The following NLRP2 variants were observed in gnomAD, a reference collection of about 807,000 sequenced individuals.
NLRP2 encodes the protein NLR family pyrin domain containing 2, also known as NACHT, LRR and PYD domains-containing protein 2.
A neutral mutation model predicts 97.2 loss-of-function variants in NLRP2; 107 were observed. That is an observed-to-expected ratio of 1.10 (90% CI 0.94 to 1.29). NLRP2 has a LOEUF of 1.29. Among genes scored for constraint, NLRP2 ranks in the 50% most tolerant of loss-of-function variants. The pLI is 0.00. For synonymous variants in NLRP2, 663 were observed against 551.5 expected (o/e 1.20, Z -2.83); for missense variants, 1,495 against 1,330.3 (o/e 1.12, Z -1.93).
At chr19:54,984,329 G>GGTTTTTTTTTTTTTTTTTTTTTTTT (rs1329961462) in intron 6 of NLRP2, among the ~76,000 whole-genome samples, 13 of 79,672 alleles carry the variant, frequency 1.6e-4, no homozygotes, top group Non-Finnish European at 2.5e-4. Flanking sequence ...TTTTTTTTGT[G>GGTTTTTTTTTTTTTTTTTTTTTTTT]TTTTTTTTTT....
Position 54,994,415 on chromosome 19 carries a change from C to T in NLRP2, c.2855C>T (p.Pro952Leu). The T allele has an allele frequency of 1.9e-6, 3 of 1,613,108 alleles. No homozygotes were observed. The highest frequency in any genetic ancestry group is 2.5e-6 in the Non-Finnish European group (3 of 1,180,016). ...MKFLCEALRK[P>L]LCNLRCLWLW... is the part of the protein sequence containing the mutation. ...TTCCTGTGTGAGGCTTTGAGGAAAC[C>T]ACTGTGCAACTTGAGATGTCTGTGG... The change falls in exon 11 of 13, where the codon CCA (proline) becomes CTA (leucine). Residue 952 changes from proline to leucine, a missense_variant. Physicochemically the swap from Pro to Leu is moderately conservative, Grantham distance 98. Coordinates refer to ENST00000448584, the MANE Select transcript of NLRP2 (RefSeq NM_017852.5).
chr19:54,983,653 A>G lies in NLRP2; in HGVS notation c.1955A>G (p.Lys652Arg), dbSNP rs1185949518. 6.2e-7 allele frequency: 1 copy of G among 1,614,020 alleles called. No homozygotes were observed. The highest frequency in any genetic ancestry group is 8.5e-7 in the Non-Finnish European group (1 of 1,180,038). Residue 652 changes from lysine (K) to arginine (R), a missense_variant, in exon 6 of 13, where the codon AAA becomes AGA. Physicochemically the swap from Lys to Arg is conservative, Grantham distance 26. Coordinates refer to ENST00000448584, the MANE Select transcript of NLRP2 (RefSeq NM_017852.5). ...GTCAAGCACTGTCGAAACCTGCAGA[A>G]AATGTCACTGCAGGTAATAAAGGAG... ...FCVKHCRNLQ[K>R]MSLQVIKENL...
Position 54,982,340 on chromosome 19 carries a change from T to C in NLRP2, c.642T>C (p.Pro214=). ...CATACACGGTGGTGCTGTATGGTCC[T>C]GCAGGCCTTGGGAAAACCACGCTGG... is the stretch of plus-strand genomic sequence containing the variant. ...PFSYTVVLYG[P]AGLGKTTLAQ... is the part of the protein sequence containing the mutation. Residue 214 remains proline (P), a synonymous_variant, in exon 6 of 13, where the codon CCT becomes CCC. Transcript: ENST00000448584. The C allele has an allele frequency of 1.2e-6, 2 of 1,614,078 alleles. No homozygotes were observed. The highest frequency in any genetic ancestry group is 1.7e-6 in the Non-Finnish European group (2 of 1,180,008).
intron 5 of NLRP2, 112 bp downstream of exon 5, chr19:54,981,794 TCGAGA>T: frequency 2.5e-6 from 2 of 786,502 alleles, no homozygotes; most frequent in South Asian, 2.8e-5. Context: ...TATGTATGTA[TCGAGA>T]CGGAGTTTTG....
In NLRP2 at chr19:54,997,492, G is replaced by C. The variant is rs531383370; in HGVS notation, c.3050+5G>C. 6 of 1,614,120 alleles carry C rather than the reference G, an allele frequency of 3.7e-6. No individual in the cohort carries two copies. The highest frequency in any genetic ancestry group is 5.1e-6 in the Non-Finnish European group (6 of 1,180,004). ...TGGCACCCTCCGGACACTCAGGTAT[G>C]ATCCATTTACTTCCCCATCAGGCTT... On this transcript the variant is annotated splice_donor_5th_base_variant and intron_variant, in intron 12 of 12. Transcript: ENST00000448584.
chr19:54,982,289 C>G lies in NLRP2; in HGVS notation c.591C>G (p.Asn197Lys). The G allele has an allele frequency of 6.2e-7, 1 of 1,614,082 alleles. No homozygotes were observed. Among genetic ancestry groups the G allele is most frequent in the African/African-American group, 1.3e-5 (1 of 75,020 alleles). Residue 197 changes from asparagine (N) to lysine (K), a missense_variant, in exon 6 of 13, where the codon AAC (asparagine) becomes AAG (lysine). Asn to Lys is a moderately conservative substitution (Grantham distance 94, BLOSUM62 0). Transcript: ENST00000448584. ...ERYKMLIPFS[N>K]PRVLPGPFSY... ...ACAAGATGCTGATCCCATTCAGCAA[C>G]CCCAGGGTGCTTCCCGGGCCCTTCT...
intron 6 of NLRP2, among the ~76,000 whole-genome samples, 160 bp from the exon 7 acceptor site, chr19:54,984,887 T>G (rs1195221581): frequency 6.6e-6 from 1 of 152,192 alleles, no homozygotes; most frequent in Non-Finnish European, 1.5e-5. Context: ...CTGTGATGCT[T>G]CTTGGGTGTT....
At position 54,968,701 on chromosome 19, in the gene NLRP2, C is replaced by CTTTTTTTTTTTTTTTTTTTTTT. The variant is rs61212213; in HGVS notation, c.-17-1286_-17-1285insTTTTTTTTTTTTTTTTTTTTTT. Among the ~76,000 whole-genome samples the CTTTTTTTTTTTTTTTTTTTTTT allele has an allele frequency of 2.2e-4, 25 of 114,342 alleles. 2 individuals are homozygous for CTTTTTTTTTTTTTTTTTTTTTT. Among genetic ancestry groups the CTTTTTTTTTTTTTTTTTTTTTT allele is most frequent in the Admixed American group, 4.4e-4 (5 of 11,258 alleles). 75.0% of individuals were successfully genotyped at this position (114,342 alleles called of 152,430 possible). A position where few individuals can be genotyped will look rare whatever the true frequency, so the allele number is the denominator to read the frequency against. On this transcript the variant is annotated intron_variant, in intron 1 of 12. Transcript: ENST00000448584. ...CTCCACCACTAAGTTATCTTTAAGC[C>CTTTTTTTTTTTTTTTTTTTTTT]TTTTTTTTTTTTGAGACAGTTTCAC...
chr19:54,979,015 C>T (rs527420906), intron 4 of NLRP2, among the ~76,000 whole-genome samples: 19 of 151,842 alleles, frequency 1.3e-4, no homozygotes, highest in Middle Eastern at 3.4e-3. Context: ...AATAGAGTCT[C>T]ACTCTGTCAT....
rs1262826654 is a variant in NLRP2 at position 54,994,417 on chromosome 19, C to T, written c.2857C>T (p.Leu953=). ...KFLCEALRKP[L]CNLRCLWLWG... ...CCTGTGTGAGGCTTTGAGGAAACCA[C>T]TGTGCAACTTGAGATGTCTGTGGTG... The change falls in exon 11 of 13, where the codon CTG becomes TTG. Residue 953 remains leucine, a synonymous_variant. Coordinates refer to ENST00000448584, the MANE Select transcript of NLRP2 (RefSeq NM_017852.5). The T allele has an allele frequency of 6.2e-7, 1 of 1,613,126 alleles. No individual in the cohort carries two copies. Among genetic ancestry groups the T allele is most frequent in the Admixed American group, 1.7e-5 (1 of 59,992 alleles).
intron 10 of NLRP2, chr19:54,993,312 T>C (rs545860401): frequency 6.6e-6 from 1 of 151,978 alleles, no homozygotes; most frequent in East Asian, 1.9e-4. Context: ...CAATCTGCCA[T>C]CTATTTCCAA....
intron 10 of NLRP2, chr19:54,991,010 C>T (rs1335486686): frequency 5.5e-6 from 2 of 365,952 alleles, no homozygotes; most frequent in Non-Finnish European, 1.0e-5. Context: ...CCTTGGCCTC[C>T]CAAAGTGCTA....
Position 54,997,413 on chromosome 19 carries a change from T to C in NLRP2, c.2976T>C (p.Asn992=). Residue 992 remains asparagine, a synonymous_variant, in exon 12 of 13, where the codon AAT becomes AAC. Transcript: ENST00000448584. ...TCGTCACTCTGGACCTGGGTCAGAA[T>C]CCCTTGGGGTCTAGTGGAGTGAAGA... ...QSLVTLDLGQ[N]PLGSSGVKML... 6.2e-7 allele frequency: 1 copy of C among 1,614,222 alleles called. No individual in the cohort carries two copies. Among genetic ancestry groups the C allele is most frequent in the Non-Finnish European group, 8.5e-7 (1 of 1,180,034 alleles).
rs766483874 is a variant in NLRP2 at position 54,982,819 on chromosome 19, A to T, written c.1121A>T (p.Asp374Val). 1.2e-5 allele frequency: 19 copies of T among 1,613,704 alleles called. No homozygotes were observed. The highest frequency in any genetic ancestry group is 1.6e-5 in the Non-Finnish European group (19 of 1,179,960). Residue 374 changes from aspartate to valine, a missense_variant, in exon 6 of 13, where the codon GAC becomes GTC. Coordinates refer to ENST00000448584, the MANE Select transcript of NLRP2 (RefSeq NM_017852.5). ...RRAYFLRHFG[D>V]EDQAMRAFEL... ...GCCTATTTCCTGAGACACTTTGGAG[A>T]CGAGGACCAAGCCATGCGTGCCTTT...
intron 2 of NLRP2, among the ~76,000 whole-genome samples, chr19:54,970,926 T>C (rs1216898657): frequency 1.4e-5 from 2 of 142,208 alleles, no homozygotes; most frequent in Non-Finnish European, 3.1e-5. Context: ...ACCCACTAAC[T>C]CGTCATCTAG....
chr19:54,989,754 T>A (rs2072332215), intron 8 of NLRP2: 1 of 551,876 alleles, frequency 1.8e-6, no homozygotes, highest in African/African-American at 1.9e-5. Flanking sequence ...GAGGCCGAGG[T>A]GGGCAGATCA....
chr19:54,998,611 CTTTTT>C (rs375510249), intron 12 of NLRP2, among the ~76,000 whole-genome samples: 28 of 42,212 alleles, frequency 6.6e-4, no homozygotes, highest in African/African-American at 1.2e-3. Flanking sequence ...CATCTTTTTT[CTTTTT>C]TTTTTTTTTT....
chr19:54,990,230 G>C (rs751598220), intron 9 of NLRP2, 38 bp downstream of exon 9: 5 of 1,604,466 alleles, frequency 3.1e-6, no homozygotes, highest in South Asian at 1.1e-5. Flanking sequence ...CTGTGCTTTC[G>C]ATCTGGGGCC....
chr19:54,992,889 A>G (rs79889535), intron 10 of NLRP2, among the ~76,000 whole-genome samples: 3,278 of 151,680 alleles, frequency 0.022, 130 homozygotes, highest in African/African-American at 0.074. Context: ...CCATGCCCCT[A>G]TTTTGCTAAG....
Sources: allele counts gnomAD v4.1 joint callset (sites outside exome capture counted in the v4.1 genomes callset), GRCh38; gene constraint gnomAD v4.1.1; transcripts MANE v1.5; gene names NCBI Gene and HGNC (gene_info 2026-07-23, HGNC 2026-07-21).